PODN: variants seen among roughly 807,000 people sequenced by gnomAD.
The protein encoded by PODN is podocan proteoglycan.
In PODN, 40 loss-of-function variants were observed where a neutral mutation model predicts 52.7. The observed-to-expected ratio is 0.76, with a 90% CI of 0.59 to 0.99. PODN has a LOEUF of 0.99. Among genes scored for constraint, PODN ranks in the 50% least tolerant of loss-of-function variants. The probability of loss-of-function intolerance (pLI) is 0.00; values close to 1 mark genes in which losing one functional copy is unlikely to be tolerated. For synonymous variants in PODN, 396 were observed against 377.9 expected (o/e 1.05, Z -0.56); for missense variants, 720 against 815.1 (o/e 0.88, Z 1.42).
intron 1 of PODN, among the ~76,000 whole-genome samples, chr1:53,069,411 G>T (rs980578716): frequency 6.6e-6 from 1 of 152,248 alleles, no homozygotes; most frequent in African/African-American, 2.4e-5. Context: ...GGAGAGCCGG[G>T]ACGCACCCTG....
rs1001322481 is a variant in PODN, at chr1:53,081,043, G to A, written c.1661+167G>A. Among the ~76,000 whole-genome samples, 7 of 152,396 alleles carry A rather than the reference G, an allele frequency of 4.6e-5. No individual in the cohort carries two copies. The South Asian group carries it at 1.4e-3, about 32-fold the overall frequency. ...TGGCCAGGCCCGATATGGTTCCTAG[G>A]TTTGTAAAAGGGCTTTGGAAACGTT... On this transcript the variant is annotated intron_variant, in intron 9 of 10. Coordinates refer to ENST00000312553, the MANE Select transcript of PODN (RefSeq NM_153703.5).
intron 8 of PODN, among the ~76,000 whole-genome samples, chr1:53,080,002 A>T (rs1572276928): frequency 5.5e-5 from 1 of 18,122 alleles, no homozygotes; most frequent in Non-Finnish European, 1.1e-3. Context: ...CTCAAATTAA[A>T]AAAAAAAAAA....
At chr1:53,062,406 T>C (rs1055473817) in intron 1 of PODN, 98 bp downstream of exon 1, 7 of 946,652 alleles carry the variant, frequency 7.4e-6, no homozygotes, top group Non-Finnish European at 9.7e-6. Context: ...CTCCAGCAGC[T>C]GCCTGGGGCG....
chr1:53,077,670 C>T lies in PODN; in HGVS notation c.739-15C>T. On this transcript the variant is annotated splice_polypyrimidine_tract_variant and intron_variant, in intron 6 of 10. Coordinates refer to ENST00000312553, the MANE Select transcript of PODN (RefSeq NM_153703.5). ...CCCTCCCTCACAATCTCCTCCCTTC[C>T]CTTCCATCCCCCAGAACAACAAGCT... The T allele has an allele frequency of 6.2e-7, 1 of 1,606,948 alleles. No homozygotes were observed. The highest frequency in any genetic ancestry group is 2.2e-5 in the East Asian group (1 of 44,812).
chr1:53,063,939 T>A (rs1308169482), intron 1 of PODN, among the ~76,000 whole-genome samples: 1 of 151,928 alleles, frequency 6.6e-6, no homozygotes, highest in Non-Finnish European at 1.5e-5. Flanking sequence ...CACACGTCCC[T>A]CTCCTCTAGC....
At chr1:53,070,495 A>G (rs1456599102) in intron 2 of PODN, among the ~76,000 whole-genome samples, 1 of 152,242 alleles carries the variant, frequency 6.6e-6, no homozygotes, top group Non-Finnish European at 1.5e-5. Flanking sequence ...GACCCTCTGA[A>G]TGCACAGCCA....
chr1:53,063,610 A>T (rs1643991849), intron 1 of PODN: 1 of 979,628 alleles, frequency 1.0e-6, no homozygotes, highest in African/African-American at 1.8e-5. Context: ...ACCAGGGGGG[A>T]CTGCTCTGGG....
rs550865360 is a variant in PODN, at chr1:53,078,652, G to T, written c.1142G>T (p.Arg381Leu). 48 of 1,612,918 alleles carry T rather than the reference G, an allele frequency of 3.0e-5. No homozygotes were observed. Among genetic ancestry groups the T allele is most frequent in the Non-Finnish European group, 3.9e-5 (46 of 1,179,978 alleles). Residue 381 changes from arginine (R) to leucine (L), a missense_variant, in exon 8 of 11, where the codon CGC (arginine) becomes CTC (leucine). Coordinates refer to ENST00000312553, the MANE Select transcript of PODN (RefSeq NM_153703.5). The stretch of plus-strand genomic sequence containing the variant: ...CGCGTGCCCAGTGGCCTGCCTCGCC[G>T]CGTGCGCACCCTCATGATCCTGCAC... The part of the protein sequence containing the change: ...LERVPSGLPR[R>L]VRTLMILHNQ...
chr1:53,080,354 T>C (rs955380083), intron 8 of PODN, among the ~76,000 whole-genome samples: 5 of 152,230 alleles, frequency 3.3e-5, no homozygotes, highest in Non-Finnish European at 7.3e-5. Context: ...TTTGAGATCT[T>C]TGGGAATGAC....
In PODN at chr1:53,078,496, T is replaced by G; in HGVS notation, c.986T>G (p.Leu329Arg). The stretch of plus-strand genomic sequence containing the variant: ...ATCCGGAGCGTGGACGCGAATGTGC[T>G]GACCCCCATCCGCAGCCTGGAGTAC... ...NAIRSVDANV[L>R]TPIRSLEYLL... Residue 329 changes from leucine to arginine, a missense_variant, in exon 8 of 11, where the codon CTG becomes CGG. Physicochemically the swap from Leu to Arg is moderately radical, Grantham distance 102. Transcript: ENST00000312553. The G allele has an allele frequency of 3.1e-6, 5 of 1,613,340 alleles. No individual in the cohort carries two copies. Among genetic ancestry groups the G allele is most frequent in the Non-Finnish European group, 4.2e-6 (5 of 1,180,040 alleles).
intron 3 of PODN, among the ~76,000 whole-genome samples, chr1:53,072,677 C>G (rs780724826): frequency 6.6e-6 from 1 of 152,202 alleles, no homozygotes; most frequent in Non-Finnish European, 1.5e-5. Flanking sequence ...CCCTAGACGT[C>G]CCTGTCTTCT....
Position 53,075,920 on chromosome 1 carries a change from A to T in PODN, c.530A>T (p.Asn177Ile), listed in dbSNP as rs1343454693. The stretch of plus-strand genomic sequence containing the variant: ...CTGATCAGTGTGGACTTTGCTGCCA[A>T]CTATCTCACCAAGATCTATGGGCTC... ...NALISVDFAA[N>I]YLTKIYGLTF... Residue 177 changes from asparagine (N) to isoleucine (I), a missense_variant, in exon 5 of 11, where the codon AAC becomes ATC. Transcript: ENST00000312553. The T allele has an allele frequency of 6.2e-7, 1 of 1,606,202 alleles. No individual in the cohort carries two copies. The highest frequency in any genetic ancestry group is 8.5e-7 in the Non-Finnish European group (1 of 1,175,700).
In PODN at chr1:53,085,483, G is replaced by A. The variant is rs768344046; in HGVS notation, c.*998G>A. Reference sequence around the variant, plus strand: ...TTGTTATAGAAAAACTAATATAAAAGCATTATCCCTATCCCTGCAGCCTGT... The same window carrying A: ...TTGTTATAGAAAAACTAATATAAAAACATTATCCCTATCCCTGCAGCCTGT... On this transcript the variant is annotated 3_prime_UTR_variant, in exon 11 of 11. Coordinates refer to ENST00000312553, the MANE Select transcript of PODN (RefSeq NM_153703.5). The A allele has an allele frequency of 6.6e-6, 1 of 152,210 alleles. No homozygotes were observed. The highest frequency in any genetic ancestry group is 1.5e-5 in the Non-Finnish European group (1 of 68,034). 9.4% of individuals were successfully genotyped at this position (152,210 alleles called of 1,614,324 possible). A position where few individuals can be genotyped will look rare whatever the true frequency, so the allele number is the denominator to read the frequency against.
chr1:53,080,650 G>A, intron 8 of PODN, 78 bp from the exon 9 acceptor site: 3 of 1,476,252 alleles, frequency 2.0e-6, no homozygotes, highest in Non-Finnish European at 2.8e-6. Context: ...GATAGGCTGG[G>A]GGCTTGGTGG....
At chr1:53,077,492 T>C in intron 6 of PODN, 146 bp downstream of exon 6, 1 of 1,325,226 alleles carries the variant, frequency 7.5e-7, no homozygotes, top group Admixed American at 2.4e-5. Context: ...GAGTCTACTG[T>C]GGAGAAGTGG....
chr1:53,066,029 T>G (rs892472553), intron 1 of PODN, among the ~76,000 whole-genome samples: 2 of 134,330 alleles, frequency 1.5e-5, no homozygotes, highest in African/African-American at 6.1e-5. Flanking sequence ...ACGGTCTCAC[T>G]CTGTTACCCA....
At chr1:53,066,747 GTGA>G (rs1362765566) in intron 1 of PODN, 8 of 1,436,918 alleles carry the variant, frequency 5.6e-6, no homozygotes, top group Non-Finnish European at 7.6e-6. Flanking sequence ...TTGTAAAGTG[GTGA>G]TGATAACATT....
At chr1:53,077,133 AG>A in intron 5 of PODN, 56 bp from the exon 6 acceptor site, 2 of 1,586,616 alleles carry the variant, frequency 1.3e-6, no homozygotes, top group Non-Finnish European at 1.7e-6. Flanking sequence ...TCACCAGTTG[AG>A]CTGGCGCAGG....
chr1:53,063,523 G>A, intron 1 of PODN: 1 of 985,582 alleles, frequency 1.0e-6, no homozygotes, highest in Non-Finnish European at 1.2e-6. Context: ...TGGTGAGCAA[G>A]GAGGCCGGCT....
Sources: gnomAD v4.1 joint callset for allele counts (sites outside exome capture counted in the v4.1 genomes callset) on GRCh38, gnomAD v4.1.1 for gene constraint, MANE v1.5 for transcripts, NCBI Gene and HGNC (gene_info 2026-07-23, HGNC 2026-07-21) for gene names.